The following NLGN4X variants were observed in gnomAD, a reference collection of about 807,000 sequenced individuals.
NLGN4X encodes neuroligin-4, X-linked.
NLGN4X carries 3 observed loss-of-function variants against 40.3 expected under a neutral mutation model. The ratio of observed to expected loss-of-function variants is 0.07; its 90% CI spans 0.03 to 0.19. The LOEUF (loss-of-function observed/expected upper bound fraction) is 0.19. Among genes scored for constraint, NLGN4X ranks in the 10% least tolerant of loss-of-function variants. The pLI is 1.00. For missense variants in NLGN4X, 382 were observed against 708.3 expected (o/e 0.54, Z 5.23); for synonymous variants, 270 against 306.8 (o/e 0.88, Z 1.25).
intron 2 of NLGN4X, among the ~76,000 whole-genome samples, chrX:6,124,501 G>A (rs763503843): frequency 9.0e-6 from 1 of 111,688 alleles, no homozygotes; most frequent in East Asian, 2.8e-4. Flanking sequence ...GGCCAACAAA[G>A]TGAAACCGCG....
chrX:6,193,856 A>G (rs1202968676), intron 1 of NLGN4X, among the ~76,000 whole-genome samples: 1 of 112,396 alleles, frequency 8.9e-6, no homozygotes, highest in Non-Finnish European at 1.9e-5. Flanking sequence ...GTATTTCTCC[A>G]TTAGATATAA....
chrX:6,113,477 GAC>G (rs1332070707), intron 2 of NLGN4X, among the ~76,000 whole-genome samples: 1 of 111,071 alleles, frequency 9.0e-6, no homozygotes, highest in African/African-American at 3.3e-5. Flanking sequence ...AAAAAGTAGT[GAC>G]ACAGGTATTT....
chrX:6,170,875 G>C (rs920731138), intron 1 of NLGN4X, among the ~76,000 whole-genome samples: 3 of 111,584 alleles, frequency 2.7e-5, no homozygotes, highest in Admixed American at 9.5e-5. Flanking sequence ...CCAGGCTGGA[G>C]TGCAATGGTA....
intron 2 of NLGN4X, among the ~76,000 whole-genome samples, chrX:6,037,643 G>A (rs924084330): frequency 9.6e-6 from 1 of 103,955 alleles, no homozygotes. Context: ...CTGCATATTC[G>A]TTTTCTTTTA....
At chrX:6,056,749 T>A (rs142834339) in intron 2 of NLGN4X, among the ~76,000 whole-genome samples, 1,441 of 112,065 alleles carry the variant, frequency 0.013, 20 homozygotes, top group African/African-American at 0.044. Context: ...TACAGCAAAT[T>A]GGGACCAGTC....
chrX:6,114,954 T>G (rs1477909193), intron 2 of NLGN4X, among the ~76,000 whole-genome samples: 1 of 112,343 alleles, frequency 8.9e-6, no homozygotes, highest in East Asian at 2.8e-4. Context: ...TAAACAGTAG[T>G]CACCATATCT....
chrX:6,153,106 A>T (rs1462264863), intron 1 of NLGN4X, among the ~76,000 whole-genome samples: 1 of 112,579 alleles, frequency 8.9e-6, no homozygotes, highest in Non-Finnish European at 1.9e-5. Context: ...AAAATATACA[A>T]ATGTGTTTCT....
chrX:5,934,925 T>G (rs2033684366), intron 3 of NLGN4X, among the ~76,000 whole-genome samples: 2 of 111,810 alleles, frequency 1.8e-5, no homozygotes, highest in Admixed American at 1.9e-4. Context: ...CTGTCCAAGG[T>G]GGACTGAATG....
chrX:6,038,765 G>C (rs1050978332), intron 2 of NLGN4X, among the ~76,000 whole-genome samples: 5 of 111,843 alleles, frequency 4.5e-5, no homozygotes, highest in African/African-American at 1.6e-4. Flanking sequence ...GATATTTCTT[G>C]TATTATAAAC....
At chrX:6,074,484 T>C (rs778493404) in intron 2 of NLGN4X, among the ~76,000 whole-genome samples, 2 of 111,778 alleles carry the variant, frequency 1.8e-5, no homozygotes, top group East Asian at 2.8e-4. Context: ...GCCAAGAATA[T>C]TGTTGCCATG....
intron 2 of NLGN4X, among the ~76,000 whole-genome samples, chrX:6,086,364 T>C (rs773748399): frequency 8.9e-6 from 1 of 111,961 alleles, no homozygotes; most frequent in Non-Finnish European, 1.9e-5. Context: ...TCTGTGGGGC[T>C]TCTCTCAAGC....
At chrX:5,958,859 G>T (rs1422431855) in intron 3 of NLGN4X, among the ~76,000 whole-genome samples, 5 of 112,316 alleles carry the variant, frequency 4.5e-5, no homozygotes, top group African/African-American at 1.6e-4. Context: ...AGCCCGTGGG[G>T]CTCCCCTAGG....
At chrX:6,165,101 T>C (rs1299387140) in intron 1 of NLGN4X, among the ~76,000 whole-genome samples, 1 of 111,531 alleles carries the variant, frequency 9.0e-6, no homozygotes, top group Non-Finnish European at 1.9e-5. Flanking sequence ...CAGACAGGAA[T>C]ATTAATTTGT....
chrX:6,056,275 A>G (rs763744158), intron 2 of NLGN4X, among the ~76,000 whole-genome samples: 2 of 111,287 alleles, frequency 1.8e-5, no homozygotes, highest in Non-Finnish European at 3.8e-5. Flanking sequence ...CAGGAGTTTG[A>G]GACCAGCCTG....
At chrX:6,058,414 C>T (rs2037688409) in intron 2 of NLGN4X, among the ~76,000 whole-genome samples, 1 of 111,717 alleles carries the variant, frequency 9.0e-6, no homozygotes, top group Admixed American at 9.5e-5. Context: ...AATTAATTAT[C>T]TCATCAAAAA....
At chrX:5,949,664 T>C (rs921242299) in intron 3 of NLGN4X, among the ~76,000 whole-genome samples, 1 of 112,257 alleles carries the variant, frequency 8.9e-6, no homozygotes, top group African/African-American at 3.2e-5. Flanking sequence ...AAAACTCGCA[T>C]TATTTAAACA....
At chrX:6,181,083 T>C (rs1221677060) in intron 1 of NLGN4X, among the ~76,000 whole-genome samples, 1 of 111,207 alleles carries the variant, frequency 9.0e-6, no homozygotes, top group African/African-American at 3.3e-5. Flanking sequence ...TAATTTTCAG[T>C]CTCCCTGGTA....
intron 2 of NLGN4X, among the ~76,000 whole-genome samples, chrX:6,054,128 C>T (rs752124638): frequency 8.9e-6 from 1 of 112,019 alleles, no homozygotes; most frequent in Non-Finnish European, 1.9e-5. Flanking sequence ...GTGTTTAATA[C>T]GTGCAACTTT....
At chrX:6,108,356 T>C (rs2039075596) in intron 2 of NLGN4X, among the ~76,000 whole-genome samples, 1 of 111,899 alleles carries the variant, frequency 8.9e-6, no homozygotes, top group East Asian at 2.8e-4. Context: ...TTATTTTTTG[T>C]AGAATAACTA....
Sources: allele counts gnomAD v4.1 joint callset (sites outside exome capture counted in the v4.1 genomes callset), GRCh38; gene constraint gnomAD v4.1.1; transcripts MANE v1.5; gene names NCBI Gene and HGNC (gene_info 2026-07-23, HGNC 2026-07-21).